Variants in GEMIN8 observed in about 807,000 individuals in gnomAD.
GEMIN8 encodes the protein gem nuclear organelle associated protein 8.
For synonymous variants in GEMIN8, 80 were observed against 78.5 expected (o/e 1.02, Z -0.10); for missense variants, 185 against 205.9 (o/e 0.90, Z 0.62).
the GEMIN8 span, among the ~76,000 whole-genome samples, chrX:13,994,001 C>G: frequency 9.0e-6 from 1 of 111,306 alleles, no homozygotes; most frequent in East Asian, 2.8e-4. Context: ...TGTCATACCT[C>G]AAATTAAACA....
rs779512967 is a variant in GEMIN8 at position 14,029,819 on chromosome X, A to T, written c.-158T>A. On this transcript the variant is annotated 5_prime_UTR_variant, in exon 1 of 5. Coordinates refer to ENST00000680255, the MANE Select transcript of GEMIN8 (RefSeq NM_001042479.2). ...TGCGGATCCTGGGCGTTGGCCGCGC[A>T]GGGGCCTAGTTTTCCTTGGAGAGAC... The T allele has an allele frequency of 8.8e-6, 1 of 113,158 alleles. No homozygotes were observed. Among genetic ancestry groups the T allele is most frequent in the Non-Finnish European group, 1.9e-5 (1 of 53,337 alleles). 9.3% of individuals were successfully genotyped at this position (113,158 alleles called of 1,213,427 possible).
chrX:13,998,632 G>C, the GEMIN8 span, among the ~76,000 whole-genome samples: 1 of 111,192 alleles, frequency 9.0e-6, no homozygotes, highest in Non-Finnish European at 1.9e-5. Context: ...TGTGAAAACA[G>C]ACTAATACAG....
At chrX:14,000,836 A>G in the GEMIN8 span, among the ~76,000 whole-genome samples, 9 of 111,381 alleles carry the variant, frequency 8.1e-5, no homozygotes, top group South Asian at 3.4e-3. Context: ...CAGTTTGGCC[A>G]CTGGGAGCTC....
At chrX:14,025,713 T>C (rs1281023084) in intron 2 of GEMIN8, among the ~76,000 whole-genome samples, 2 of 112,159 alleles carry the variant, frequency 1.8e-5, no homozygotes, top group Non-Finnish European at 3.8e-5. Flanking sequence ...AATATCCATA[T>C]AAACATTTAA....
In GEMIN8 at chrX:14,009,086, C is replaced by T. The variant is rs749517603; in HGVS notation, c.556G>A (p.Val186Ile). Residue 186 changes from valine (V) to isoleucine (I), a missense_variant, in exon 5 of 5, where the codon GTA becomes ATA. Val to Ile is a conservative substitution (Grantham distance 29). Coordinates refer to ENST00000680255, the MANE Select transcript of GEMIN8 (RefSeq NM_001042479.2). The stretch of plus-strand genomic sequence containing the variant: ...CCAGGCCTCTCAGTTGGGGCTTCTA[C>T]CGACCGGCGGGTGTTGCAGTACAGG... ...HDLYCNTRRS[V>I]EAPTERPGER... The T allele has an allele frequency of 8.3e-7, 1 of 1,210,643 alleles. No homozygotes were observed. The highest frequency in any genetic ancestry group is 2.2e-5 in the Admixed American group (1 of 45,916).
intron 4 of GEMIN8, chrX:14,014,330 T>C: frequency 1.3e-6 from 1 of 750,857 alleles, no homozygotes; most frequent in Non-Finnish European, 1.6e-6. Context: ...AGAACACAGG[T>C]ACATGCCAGC....
In GEMIN8 at chrX:14,008,747, G is replaced by A. The variant is rs1347762600; in HGVS notation, c.*166C>T. The A allele has an allele frequency of 2.0e-6, 1 of 495,270 alleles. No homozygotes were observed. Among genetic ancestry groups the A allele is most frequent in the African/African-American group, 2.4e-5 (1 of 42,182 alleles). The allele number at this position is 495,270 out of a possible 1,213,427, so 40.8% of individuals were successfully genotyped here. ...CAGAACATGTCCTGCAGACCTCCAA[G>A]TGGCTGGCATAGTACATCCACCCCG... On this transcript the variant is annotated 3_prime_UTR_variant, in exon 5 of 5. Transcript: ENST00000680255.
In GEMIN8 at chrX:14,009,829, GA is replaced by G. The variant is rs771358638; in HGVS notation, c.473-661del. 2.2e-4 allele frequency among the ~76,000 whole-genome samples: 25 copies of G among 111,737 alleles called. No individual in the cohort carries two copies. In the East Asian group the frequency reaches 4.8e-3, roughly 21 times the overall value. On this transcript the variant is annotated intron_variant, in intron 4 of 4. Transcript: ENST00000680255. ...CACCATGAATGAGGTGATGTGGGGGGAAAAAATCACTCCTTTGGAAGAGGTA... is the reference window on the plus strand; with the variant it reads ...CACCATGAATGAGGTGATGTGGGGGGAAAAATCACTCCTTTGGAAGAGGTA...
the GEMIN8 span, among the ~76,000 whole-genome samples, chrX:13,999,669 CTCT>C: frequency 8.9e-6 from 1 of 112,013 alleles, no homozygotes; most frequent in Non-Finnish European, 1.9e-5. Context: ...CCTTAGTCTC[CTCT>C]GTGACAGTTT....
chrX:13,986,620 G>A, the GEMIN8 span, among the ~76,000 whole-genome samples: 1 of 112,483 alleles, frequency 8.9e-6, no homozygotes, highest in Admixed American at 9.4e-5. Flanking sequence ...TGCACCAGCT[G>A]TCTTTTAAAG....
intron 4 of GEMIN8, among the ~76,000 whole-genome samples, chrX:14,019,672 T>C (rs770177550): frequency 8.9e-6 from 1 of 111,978 alleles, no homozygotes. Context: ...AAATTACTAG[T>C]TGTGTACCAC....
Position 14,012,857 on chromosome X carries a change from TG to T in GEMIN8, c.473-3689del, listed in dbSNP as rs199833096. On this transcript the variant is annotated intron_variant, in intron 4 of 4. Transcript: ENST00000680255. The stretch of plus-strand genomic sequence containing the variant: ...CAGAGCCTCCCAGGCAGAGGGGCTA[TG>T]GGGGGGGGCACCAATGAGTTGGGGT... Among the ~76,000 whole-genome samples, 10 of 107,488 alleles carry T rather than the reference TG, an allele frequency of 9.3e-5. No homozygotes were observed. The South Asian group carries it at 1.2e-3, about 13-fold the overall frequency. The allele number at this position is 107,488 out of a possible 115,157, so 93.3% of individuals were successfully genotyped here. A position where few individuals can be genotyped will look rare whatever the true frequency, so the allele number is the denominator to read the frequency against.
chrX:13,998,069 C>A, the GEMIN8 span, among the ~76,000 whole-genome samples: 1 of 106,632 alleles, frequency 9.4e-6, no homozygotes, highest in African/African-American at 3.4e-5. Flanking sequence ...TTATTCTTAC[C>A]ATTTTTGCTT....
At chrX:14,002,097 C>CAA (rs59550732), downstream of GEMIN8, among the ~76,000 whole-genome samples, 632 of 23,601 alleles carry the variant, frequency 0.027, 73 homozygotes, top group African/African-American at 0.099. Flanking sequence ...TGCACTCCAG[C>CAA]AAAAAAAAAA....
the GEMIN8 span, among the ~76,000 whole-genome samples, chrX:13,996,986 G>A: frequency 3.0e-5 from 3 of 100,410 alleles, no homozygotes; most frequent in Non-Finnish European, 6.0e-5. Context: ...TGCCAGGCTG[G>A]AGTGTAGTGG....
chrX:14,014,088 T>C (rs1031564112), intron 4 of GEMIN8: 40 of 746,100 alleles, frequency 5.4e-5, no homozygotes, highest in Non-Finnish European at 6.3e-5. Flanking sequence ...AAAACTTTCA[T>C]CCAAGATTAT....
At chrX:14,011,887 T>C (rs950363023) in intron 4 of GEMIN8, among the ~76,000 whole-genome samples, 4 of 111,026 alleles carry the variant, frequency 3.6e-5, no homozygotes, top group African/African-American at 1.3e-4. Flanking sequence ...CAATTATATA[T>C]AGAGAGATGT....
At chrX:14,017,257 A>G (rs1192503421) in intron 4 of GEMIN8, among the ~76,000 whole-genome samples, 1 of 111,511 alleles carries the variant, frequency 9.0e-6, no homozygotes, top group Non-Finnish European at 1.9e-5. Flanking sequence ...GTTCTGCCAC[A>G]GCTGCCTCCA....
chrX:14,018,580 A>C (rs1038477468), intron 4 of GEMIN8, among the ~76,000 whole-genome samples: 3 of 111,769 alleles, frequency 2.7e-5, no homozygotes, highest in African/African-American at 9.7e-5. Flanking sequence ...ACATGCTCCA[A>C]TGCTTCTCAT....
Sources: allele counts gnomAD v4.1 joint callset (sites outside exome capture counted in the v4.1 genomes callset), GRCh38; gene constraint gnomAD v4.1.1; transcripts MANE v1.5; gene names NCBI Gene and HGNC (gene_info 2026-07-23, HGNC 2026-07-21).